ADARB2: variants seen among roughly 807,000 people sequenced by gnomAD.
The protein encoded by ADARB2 is adenosine deaminase RNA specific B2 (inactive).
A neutral mutation model predicts 62.2 loss-of-function variants in ADARB2; 25 were observed. The ratio of observed to expected loss-of-function variants is 0.40; its 90% CI spans 0.29 to 0.56. The LOEUF (loss-of-function observed/expected upper bound fraction) is 0.56. Ranked by LOEUF, ADARB2 falls within the 20% of genes least tolerant of loss-of-function variation. The pLI is 0.43. For synonymous variants in ADARB2, 572 were observed against 500.8 expected (o/e 1.14, Z -1.90); for missense variants, 1,071 against 1,077.4 (o/e 0.99, Z 0.08).
At chr10:1,391,803 T>G (rs1288576936) in intron 1 of ADARB2, among the ~76,000 whole-genome samples, 1 of 136,904 alleles carries the variant, frequency 7.3e-6, no homozygotes, top group East Asian at 2.0e-4. Flanking sequence ...GAGACACAGT[T>G]TCACTCTGTC....
At chr10:1,663,457 A>C (rs2119091759) in intron 1 of ADARB2, among the ~76,000 whole-genome samples, 1 of 150,890 alleles carries the variant, frequency 6.6e-6, no homozygotes, top group South Asian at 2.1e-4. Flanking sequence ...CCTCCCCGCC[A>C]CCCCTGGAAA....
At chr10:1,572,053 A>T in intron 1 of ADARB2, among the ~76,000 whole-genome samples, 1 of 143,038 alleles carries the variant, frequency 7.0e-6, no homozygotes, top group African/African-American at 2.7e-5. Flanking sequence ...GTGAGTGGAC[A>T]GGGGAGTGTG....
intron 3 of ADARB2, among the ~76,000 whole-genome samples, chr10:1,344,175 G>A (rs549086917): frequency 5.6e-4 from 85 of 152,102 alleles, no homozygotes; most frequent in Non-Finnish European, 1.1e-3. Flanking sequence ...GTAAGATAAC[G>A]GACAGGGTCA....
intron 1 of ADARB2, among the ~76,000 whole-genome samples, chr10:1,646,964 C>T (rs1361716458): frequency 1.3e-5 from 2 of 152,152 alleles, no homozygotes; most frequent in East Asian, 1.9e-4. Flanking sequence ...GTGAGGGAGG[C>T]CAGTGTAAAA....
chr10:1,578,547 T>G (rs932235910), intron 1 of ADARB2, among the ~76,000 whole-genome samples: 2 of 152,104 alleles, frequency 1.3e-5, no homozygotes, highest in African/African-American at 4.8e-5. Flanking sequence ...CCTGGGGCCC[T>G]TGGCGTGGGT....
At chr10:1,186,226 C>T (rs1436227986) in intron 8 of ADARB2, among the ~76,000 whole-genome samples, 1 of 152,242 alleles carries the variant, frequency 6.6e-6, no homozygotes, top group African/African-American at 2.4e-5. Context: ...GGACAAAGCC[C>T]ACTTCTTCCC....
intron 1 of ADARB2, among the ~76,000 whole-genome samples, chr10:1,660,457 T>A (rs1035313909): frequency 6.6e-6 from 1 of 152,192 alleles, no homozygotes; most frequent in Admixed American, 6.5e-5. Flanking sequence ...TGGGGTGGAA[T>A]GGTGGCCAGT....
chr10:1,552,506 C>T lies in ADARB2; in HGVS notation c.101-173346G>A, dbSNP rs78106950. On this transcript the variant is annotated intron_variant, in intron 1 of 9. Transcript: ENST00000381312. ...CCAGAGAACATGGGCGGCTGTCCTG[C>T]CTGGCACTCAGTGAGGGGCTGCCAA... Among the ~76,000 whole-genome samples the T allele has an allele frequency of 3.3e-5, 5 of 152,316 alleles. No individual in the cohort carries two copies. The East Asian group carries it at 9.7e-4, about 29-fold the overall frequency.
rs892922595 is a variant in ADARB2 at position 1,363,521 on chromosome 10, G to T, written c.584C>A (p.Ala195Asp). Residue 195 changes from alanine to aspartate, a missense_variant, in exon 3 of 10, where the codon GCC (alanine) becomes GAC (aspartate). Ala to Asp is a moderately radical substitution (Grantham distance 126, BLOSUM62 -2). Transcript: ENST00000381312. ...GCCCATGGCCAGGTGCGCCTGGCAG[G>T]CGTTGGGGAACTGCACGAAGGACCT... is the stretch of plus-strand genomic sequence containing the variant. ...ALRSFVQFPN[A>D]CQAHLAMGGG... is the part of the protein sequence containing the mutation. 2.6e-6 allele frequency: 4 copies of T among 1,540,892 alleles called. No homozygotes were observed. The highest frequency in any genetic ancestry group is 1.7e-6 in the Non-Finnish European group (2 of 1,147,574).
At position 1,341,506 on chromosome 10, in the gene ADARB2, G is replaced by A. The variant is rs985829273; in HGVS notation, c.1077+21522C>T. On this transcript the variant is annotated intron_variant, in intron 3 of 9. Coordinates refer to ENST00000381312, the MANE Select transcript of ADARB2 (RefSeq NM_018702.4). ...GTGGCAATAACCAGCATCCACCAGA[G>A]AACCACATGCCCCACAGCGGCAATA... Among the ~76,000 whole-genome samples, 3 of 144,976 alleles carry A rather than the reference G, an allele frequency of 2.1e-5. No individual in the cohort carries two copies. The South Asian group carries it at 6.6e-4, about 32-fold the overall frequency.
intron 3 of ADARB2, chr10:1,361,728 G>A (rs1172081371): frequency 6.6e-6 from 1 of 152,226 alleles, no homozygotes; most frequent in Non-Finnish European, 1.5e-5. Context: ...TGAGGTTCGA[G>A]TGGGACCCTA....
Position 1,410,904 on chromosome 10 carries a change from C to G in ADARB2, c.101-31744G>C, listed in dbSNP as rs573114146. On this transcript the variant is annotated intron_variant, in intron 1 of 9. Coordinates refer to ENST00000381312, the MANE Select transcript of ADARB2 (RefSeq NM_018702.4). ...CTGCCCGGATGGAGGGCAGTCCAGT[C>G]AGTTACGGCCTCTCCCTCTCCCGAG... is the stretch of plus-strand genomic sequence containing the variant. Among the ~76,000 whole-genome samples the G allele has an allele frequency of 3.3e-5, 5 of 152,302 alleles. No individual in the cohort carries two copies. In the East Asian group the frequency reaches 7.7e-4, roughly 24 times the overall value.
intron 2 of ADARB2, among the ~76,000 whole-genome samples, chr10:1,365,219 C>A (rs951156629): frequency 1.3e-5 from 2 of 152,122 alleles, no homozygotes; most frequent in African/African-American, 4.8e-5. Flanking sequence ...ATTATTATAT[C>A]TGTTATGGTG....
chr10:1,461,038 A>G (rs73580310), intron 1 of ADARB2, among the ~76,000 whole-genome samples: 7,843 of 152,328 alleles, frequency 0.051, 636 homozygotes, highest in African/African-American at 0.18. Flanking sequence ...TGGACATTAT[A>G]TATTCTGTTG....
chr10:1,529,541 C>T (rs920421100), intron 1 of ADARB2, among the ~76,000 whole-genome samples: 19 of 152,176 alleles, frequency 1.2e-4, no homozygotes, highest in South Asian at 4.1e-4. Flanking sequence ...TCCACTCTTC[C>T]GATGCAACGT....
intron 1 of ADARB2, among the ~76,000 whole-genome samples, chr10:1,657,807 G>A (rs1834190928): frequency 6.6e-6 from 1 of 152,124 alleles, no homozygotes; most frequent in South Asian, 2.1e-4. Context: ...CTCCCTCCCG[G>A]TCTTTCTCTC....
At chr10:1,524,741 G>A (rs186725635) in intron 1 of ADARB2, among the ~76,000 whole-genome samples, 3 of 152,222 alleles carry the variant, frequency 2.0e-5, no homozygotes, top group African/African-American at 7.2e-5. Flanking sequence ...GTGCACACGC[G>A]CGTGTGTTCA....
At chr10:1,447,026 A>T (rs1002847838) in intron 1 of ADARB2, among the ~76,000 whole-genome samples, 2 of 152,234 alleles carry the variant, frequency 1.3e-5, no homozygotes, top group Non-Finnish European at 2.9e-5. Context: ...CTTAATTGTA[A>T]AACACGAATG....
At chr10:1,404,409 G>T (rs1832689119) in intron 1 of ADARB2, among the ~76,000 whole-genome samples, 1 of 152,256 alleles carries the variant, frequency 6.6e-6, no homozygotes, top group Non-Finnish European at 1.5e-5. Flanking sequence ...TAATTCTGCA[G>T]AGATGCTGCC....
Sources: allele counts gnomAD v4.1 joint callset (sites outside exome capture counted in the v4.1 genomes callset), GRCh38; gene constraint gnomAD v4.1.1; transcripts MANE v1.5; gene names NCBI Gene and HGNC (gene_info 2026-07-23, HGNC 2026-07-21).